Variants in VCF2 observed in about 807,000 individuals in gnomAD.
VCF2 encodes the protein VCP nuclear cofactor family member 2.
chrX:55,156,857 C>G, the VCF2 span, among the ~76,000 whole-genome samples: 3 of 111,770 alleles, frequency 2.7e-5, no homozygotes, highest in East Asian at 8.4e-4. Flanking sequence ...ATAGGTAATC[C>G]TCACCTGCAG....
chrX:55,143,958 T>G, the VCF2 span: 1 of 619,713 alleles, frequency 1.6e-6, no homozygotes, highest in South Asian at 4.8e-5. Context: ...AAGACTGTGC[T>G]TACTTAGTTC....
At chrX:55,145,259 G>A in the VCF2 span, 1 of 668,168 alleles carries the variant, frequency 1.5e-6, no homozygotes, top group Non-Finnish European at 1.8e-6. Flanking sequence ...ATACATAATA[G>A]ATGGAATTAT....
the VCF2 span, among the ~76,000 whole-genome samples, chrX:55,155,608 A>C: frequency 9.0e-6 from 1 of 111,443 alleles, no homozygotes; most frequent in South Asian, 3.7e-4. Flanking sequence ...AGGAATAGGG[A>C]GGGGATGGAG....
chrX:55,145,190 A>G, the VCF2 span: 35 of 443,156 alleles, frequency 7.9e-5, no homozygotes, highest in Non-Finnish European at 9.3e-5. Flanking sequence ...ACCCACTTCC[A>G]TAATTCTTGT....
the VCF2 span, among the ~76,000 whole-genome samples, chrX:55,150,510 C>CG: frequency 9.0e-6 from 1 of 111,569 alleles, no homozygotes; most frequent in African/African-American, 3.3e-5. Flanking sequence ...TCCTGCTGTG[C>CG]GGCCTGGTTC....
At chrX:55,143,632 T>A in the VCF2 span, 4 of 408,594 alleles carry the variant, frequency 9.8e-6, no homozygotes, top group African/African-American at 1.0e-4. Context: ...AGGACCAAAG[T>A]AAGTCCGCAT....
the VCF2 span, chrX:55,159,249 G>C: frequency 8.7e-7 from 1 of 1,153,510 alleles, no homozygotes; most frequent in Non-Finnish European, 1.2e-6. Context: ...ATTGTAAAGA[G>C]AGAGTTGTTA....
the VCF2 span, among the ~76,000 whole-genome samples, chrX:55,144,929 G>C: frequency 8.9e-6 from 1 of 112,662 alleles, no homozygotes; most frequent in Non-Finnish European, 1.9e-5. Context: ...ATGCATCCTG[G>C]TCCTTTGTTC....
the VCF2 span, among the ~76,000 whole-genome samples, chrX:55,148,887 C>T: frequency 5.4e-5 from 6 of 111,845 alleles, no homozygotes; most frequent in South Asian, 2.2e-3. Flanking sequence ...TAACCCTCTC[C>T]TTCAACTCAT....
the VCF2 span, chrX:55,145,258 A>G: frequency 1.5e-6 from 1 of 665,132 alleles, no homozygotes; most frequent in East Asian, 1.6e-4. Context: ...TATACATAAT[A>G]GATGGAATTA....
At chrX:55,155,082 G>GGA in the VCF2 span, among the ~76,000 whole-genome samples, 1 of 111,844 alleles carries the variant, frequency 8.9e-6, no homozygotes, top group Non-Finnish European at 1.9e-5. Context: ...TGTGACAAAT[G>GGA]GAGAGAGCAA....
At chrX:55,154,923 C>T in the VCF2 span, among the ~76,000 whole-genome samples, 1 of 112,549 alleles carries the variant, frequency 8.9e-6, no homozygotes, top group Non-Finnish European at 1.9e-5. Flanking sequence ...AATCAAGAAG[C>T]ATACAGTACT....
At chrX:55,153,138 A>G in the VCF2 span, among the ~76,000 whole-genome samples, 1 of 111,459 alleles carries the variant, frequency 9.0e-6, no homozygotes, top group Non-Finnish European at 1.9e-5. Context: ...TAAAATGTAT[A>G]AAAGCAAGCT....
At chrX:55,147,154 C>T in the VCF2 span, among the ~76,000 whole-genome samples, 1 of 111,881 alleles carries the variant, frequency 8.9e-6, no homozygotes, top group Non-Finnish European at 1.9e-5. Context: ...ATGGCAAGGA[C>T]TCTTATTCAA....
At chrX:55,157,184 C>T in the VCF2 span, among the ~76,000 whole-genome samples, 13 of 112,455 alleles carry the variant, frequency 1.2e-4, no homozygotes, top group Admixed American at 3.7e-4. Flanking sequence ...TGTGATCAAA[C>T]GTGATGAGAA....
chrX:55,158,607 G>A, the VCF2 span, among the ~76,000 whole-genome samples: 1,529 of 111,252 alleles, frequency 0.014, 28 homozygotes, highest in African/African-American at 0.048. Context: ...ACCCTGATTT[G>A]GTCATTACAC....
chrX:55,145,993 TGTAGACTTAAAAA>T, the VCF2 span: 1 of 1,116,757 alleles, frequency 9.0e-7, no homozygotes, highest in Non-Finnish European at 1.2e-6. Flanking sequence ...TTACTTAAAA[TGTAGACTTAAAAA>T]CCAATAGACT....
the VCF2 span, among the ~76,000 whole-genome samples, chrX:55,151,980 C>T: frequency 2.0e-5 from 2 of 99,760 alleles, no homozygotes; most frequent in Non-Finnish European, 4.0e-5. Flanking sequence ...CAAGCTCCGC[C>T]TCCCGGGTTC....
chrX:55,144,457 AAAT>A, the VCF2 span, among the ~76,000 whole-genome samples: 5 of 111,791 alleles, frequency 4.5e-5, no homozygotes, highest in Admixed American at 3.8e-4. Context: ...TCTAATTAAG[AAAT>A]AATTGACTCA....
Sources: allele counts gnomAD v4.1 joint callset (sites outside exome capture counted in the v4.1 genomes callset), GRCh38; gene constraint gnomAD v4.1.1; transcripts MANE v1.5; gene names NCBI Gene and HGNC (gene_info 2026-07-23, HGNC 2026-07-21).